CEP44: variants seen among roughly 807,000 people sequenced by gnomAD.
CEP44 encodes the protein centrosomal protein 44.
CEP44 carries 45 observed loss-of-function variants against 46.7 expected under a neutral mutation model. That is an observed-to-expected ratio of 0.96 (90% CI 0.76 to 1.24). The LOEUF (loss-of-function observed/expected upper bound fraction) is 1.24, where lower values mean the gene tolerates loss of function less well. CEP44 is among the 50% of genes most tolerant of loss of function. The probability of loss-of-function intolerance (pLI) is 0.00; values close to 1 mark genes in which losing one functional copy is unlikely to be tolerated. For missense variants in CEP44, 475 were observed against 459.7 expected, an observed-to-expected ratio of 1.03 and a Z score of -0.30; for synonymous variants, 142 against 146.0, an observed-to-expected ratio of 0.97 and a Z score of 0.20.
rs1740839032 is a variant in CEP44, at chr4:174,309,606, A to C, written c.679-244A>C. Among the ~76,000 whole-genome samples the C allele has an allele frequency of 6.6e-6, 1 of 151,886 alleles. No individual in the cohort carries two copies. The highest frequency in any genetic ancestry group is 1.5e-5 in the Non-Finnish European group (1 of 67,912). ...TGCAAATTAACTCATTATCAGAAGAATCATATGAAATAGATACTGCTCTTA... is the reference window on the plus strand; with the variant it reads ...TGCAAATTAACTCATTATCAGAAGACTCATATGAAATAGATACTGCTCTTA... On this transcript the variant is annotated intron_variant, in intron 7 of 11. Coordinates refer to ENST00000503780, the MANE Select transcript of CEP44 (RefSeq NM_001040157.3). This position sits in a 1 kb window ranked among gnomAD's most constrained non-coding sequence, Gnocchi z 5.3.
chr4:174,289,614 T>C (rs1473302813), intron 1 of CEP44, among the ~76,000 whole-genome samples: 1 of 152,088 alleles, frequency 6.6e-6, no homozygotes, highest in Non-Finnish European at 1.5e-5. Context: ...CTGATTTTGT[T>C]TGAGTCTTCT....
chr4:174,305,462 A>G (rs1249915079), intron 6 of CEP44, among the ~76,000 whole-genome samples: 2 of 152,172 alleles, frequency 1.3e-5, no homozygotes, highest in South Asian at 4.1e-4. Flanking sequence ...TCAAAAAAAT[A>G]TGTTTATTCC....
chr4:174,308,200 A>G (rs1023638622), intron 6 of CEP44, among the ~76,000 whole-genome samples: 2 of 152,154 alleles, frequency 1.3e-5, no homozygotes, highest in Non-Finnish European at 2.9e-5. Flanking sequence ...CAAGCTAAAT[A>G]CAATAGCAAA....
upstream of CEP44, chr4:174,283,790 A>C (rs1560879850): frequency 2.5e-6 from 1 of 397,192 alleles, no homozygotes; most frequent in African/African-American, 2.1e-5. This position sits in a 1 kb window ranked among gnomAD's most constrained non-coding sequence, Gnocchi z 6.7. Flanking sequence ...CATCAAGATC[A>C]GAAAAACTTC....
In CEP44 at chr4:174,287,963, T is replaced by C. The variant is rs748565599; in HGVS notation, c.-148+4020T>C. On this transcript the variant is annotated intron_variant, in intron 1 of 11. Transcript: ENST00000503780. The surrounding 1 kb of genome is among the most constrained non-coding windows in gnomAD (Gnocchi z 5.1). ...TTCTGTGTGTGAGAATGGAAAACTT[T>C]GGGTGAAAAGTGAAAACTTGGATTT... Among the ~76,000 whole-genome samples the C allele has an allele frequency of 6.6e-6, 1 of 152,184 alleles. No individual in the cohort carries two copies. The highest frequency in any genetic ancestry group is 1.5e-5 in the Non-Finnish European group (1 of 68,036).
intron 8 of CEP44, among the ~76,000 whole-genome samples, chr4:174,327,208 A>AG (rs1260912718): frequency 4.7e-5 from 7 of 149,890 alleles, no homozygotes; most frequent in African/African-American, 1.2e-4. Flanking sequence ...GAGAGAGAGA[A>AG]AAAACAGATA....
Position 174,318,066 on chromosome 4 carries a change from A to G in CEP44, c.*683A>G. 1.0e-6 allele frequency: 1 copy of G among 985,230 alleles called. No homozygotes were observed. Among genetic ancestry groups the G allele is most frequent in the Non-Finnish European group, 1.2e-6 (1 of 829,862 alleles). The allele number at this position is 985,230 out of a possible 1,614,324, so 61.0% of individuals were successfully genotyped here. ...ACATTTTAGTATGCTCTATTGTATA[A>G]TTTTTTTGGAGGGGGGGATGGAGTT... On this transcript the variant is annotated 3_prime_UTR_variant, in exon 12 of 12. Coordinates refer to ENST00000503780, the MANE Select transcript of CEP44 (RefSeq NM_001040157.3).
At position 174,310,645 on chromosome 4, in the gene CEP44, TG is replaced by T; in HGVS notation, c.886-137del. Reference sequence around the variant, plus strand: ...CTTATATGTAGGAATATGCAGTATATGTATTGCTTTAATAAAAAATTAAAAA... The same window carrying T: ...CTTATATGTAGGAATATGCAGTATATTATTGCTTTAATAAAAAATTAAAAA... On this transcript the variant is annotated intron_variant, in intron 8 of 11. Transcript: ENST00000503780. This position sits in a 1 kb window ranked among gnomAD's most constrained non-coding sequence, Gnocchi z 4.2. The T allele has an allele frequency of 1.9e-6, 1 of 525,084 alleles. No individual in the cohort carries two copies. 32.5% of individuals were successfully genotyped at this position (525,084 alleles called of 1,614,324 possible). A position where few individuals can be genotyped will look rare whatever the true frequency, so the allele number is the denominator to read the frequency against.
intron 8 of CEP44, among the ~76,000 whole-genome samples, chr4:174,327,277 AT>A (rs1742739494): frequency 6.6e-6 from 1 of 151,264 alleles, no homozygotes; most frequent in Non-Finnish European, 1.5e-5. Context: ...GTAGAAAATT[AT>A]TAAACTTATA....
intron 6 of CEP44, among the ~76,000 whole-genome samples, chr4:174,307,567 C>T (rs554893975): frequency 6.5e-4 from 99 of 152,242 alleles, no homozygotes; most frequent in African/African-American, 1.7e-3. Flanking sequence ...GATTTCATGA[C>T]GAAGACGCCA....
intron 1 of CEP44, among the ~76,000 whole-genome samples, chr4:174,293,052 G>T (rs1738420218): frequency 1.3e-5 from 2 of 152,206 alleles, no homozygotes; most frequent in Admixed American, 1.3e-4. Flanking sequence ...GGGTCCCTTG[G>T]TGAGACTGAC....
intron 11 of CEP44, 30 bp downstream of exon 11, chr4:174,316,597 C>A (rs1243719323): frequency 4.5e-6 from 7 of 1,557,642 alleles, no homozygotes; most frequent in Non-Finnish European, 6.1e-6. Context: ...AACAGAAATT[C>A]ATTTCTCTAT....
At chr4:174,320,406 A>C (rs1011478751), downstream of CEP44, 2 of 772,650 alleles carry the variant, frequency 2.6e-6, no homozygotes, top group Non-Finnish European at 3.1e-6. Context: ...AAATTAATAT[A>C]ACCTTCTCAA....
Position 174,309,720 on chromosome 4 carries a change from A to G in CEP44, c.679-130A>G, listed in dbSNP as rs2126633912. 2 of 618,412 alleles carry G rather than the reference A, an allele frequency of 3.2e-6. No homozygotes were observed. Among genetic ancestry groups the G allele is most frequent in the Non-Finnish European group, 5.5e-6 (2 of 361,316 alleles). The allele number at this position is 618,412 out of a possible 1,614,324, so 38.3% of individuals were successfully genotyped here. A position where few individuals can be genotyped will look rare whatever the true frequency, so the allele number is the denominator to read the frequency against. On this transcript the variant is annotated intron_variant, in intron 7 of 11. Transcript: ENST00000503780. This position sits in a 1 kb window ranked among gnomAD's most constrained non-coding sequence, Gnocchi z 5.3. ...GGCCAAGTAGTCTCCATCCAGAGAT[A>G]GCTCTCTTAACTCTCAAGCAGGACG... is the stretch of plus-strand genomic sequence containing the variant.
chr4:174,317,905 A>G lies in CEP44; in HGVS notation c.*522A>G. 2.0e-6 allele frequency: 2 copies of G among 985,580 alleles called. No individual in the cohort carries two copies. Among genetic ancestry groups the G allele is most frequent in the East Asian group, 2.3e-4 (2 of 8,818 alleles). The allele number at this position is 985,580 out of a possible 1,614,324, so 61.1% of individuals were successfully genotyped here. Reference sequence around the variant, plus strand: ...ATTTCATGCTTGGTCAAAAACATCAATACCTTTCCAATTAACACTGAGAAA... The same window carrying G: ...ATTTCATGCTTGGTCAAAAACATCAGTACCTTTCCAATTAACACTGAGAAA... On this transcript the variant is annotated 3_prime_UTR_variant, in exon 12 of 12. Transcript: ENST00000503780.
downstream of CEP44, among the ~76,000 whole-genome samples, chr4:174,325,030 C>A (rs13113436): frequency 2.0e-5 from 3 of 152,114 alleles, no homozygotes; most frequent in Admixed American, 6.6e-5. The surrounding 1 kb of genome is among the most constrained non-coding windows in gnomAD (Gnocchi z 4.4). Flanking sequence ...GTGGGAATTC[C>A]TCCCTCACCA....
intron 1 of CEP44, among the ~76,000 whole-genome samples, chr4:174,285,028 G>A (rs555431693): frequency 6.6e-6 from 1 of 152,246 alleles, no homozygotes; most frequent in South Asian, 2.1e-4. Flanking sequence ...AACTGCTAGA[G>A]TACACTATTT....
rs144840151 is a variant in CEP44 at position 174,311,673 on chromosome 4, A to G, written c.961+815A>G. 1.4e-3 allele frequency among the ~76,000 whole-genome samples: 209 copies of G among 152,296 alleles called. No homozygotes were observed. Among genetic ancestry groups the G allele is most frequent in the African/African-American group, 4.6e-3 (190 of 41,572 alleles). The stretch of plus-strand genomic sequence containing the variant: ...AACTCATTTAATTCTTGAAGTAACC[A>G]TTGCAAGATAAGTACTATTTTTATA... On this transcript the variant is annotated intron_variant, in intron 9 of 11. Transcript: ENST00000503780. This position sits in a 1 kb window ranked among gnomAD's most constrained non-coding sequence, Gnocchi z 4.4.
chr4:174,299,147 G>T lies in CEP44; in HGVS notation c.26G>T (p.Ser9Ile). ...ATGGCAACAGGTGACTTAAAAAGAA[G>T]CTTACGGAACCTAGAACAGGTGCTC... MATGDLKR[S>I]LRNLEQVLRL... Residue 9 changes from serine (S) to isoleucine (I), a missense_variant, in exon 3 of 12, where the codon AGC (serine) becomes ATC (isoleucine). By Grantham distance (142) the Ser-to-Ile change is moderately radical. Coordinates refer to ENST00000503780, the MANE Select transcript of CEP44 (RefSeq NM_001040157.3). 1 of 1,613,628 alleles carries T rather than the reference G, an allele frequency of 6.2e-7. No homozygotes were observed.
Sources: allele counts gnomAD v4.1 joint callset (sites outside exome capture counted in the v4.1 genomes callset), GRCh38; gene constraint gnomAD v4.1.1; non-coding constraint Gnocchi (gnomAD v3.1); transcripts MANE v1.5; gene names NCBI Gene and HGNC (gene_info 2026-07-23, HGNC 2026-07-21).